CNTN1: variants seen among roughly 807,000 people sequenced by gnomAD.
CNTN1 encodes contactin-1.
A neutral mutation model predicts 126.4 loss-of-function variants in CNTN1; 38 were observed. The observed-to-expected ratio is 0.30, with a 90% confidence interval of 0.23 to 0.39. The LOEUF is 0.39. Among genes scored for constraint, CNTN1 ranks in the 10% least tolerant of loss-of-function variants. The probability of loss-of-function intolerance (pLI) is 1.00; values close to 1 mark genes in which losing one functional copy is unlikely to be tolerated. For missense variants in CNTN1, 1,009 were observed against 1,248.4 expected (o/e 0.81, Z 2.89); for synonymous variants, 413 against 422.6 (o/e 0.98, Z 0.28).
intron 1 of CNTN1, among the ~76,000 whole-genome samples, chr12:40,698,883 C>T (rs1565614630): frequency 1.3e-5 from 2 of 152,160 alleles, no homozygotes; most frequent in African/African-American, 2.4e-5. Flanking sequence ...ATCAACTGAA[C>T]GGTTTGCCTT....
At chr12:41,042,325 T>C (rs1022547960) in intron 23 of CNTN1, among the ~76,000 whole-genome samples, 30 of 152,156 alleles carry the variant, frequency 2.0e-4, no homozygotes, top group Admixed American at 5.2e-4. Flanking sequence ...TGAGGAGTGC[T>C]TTACTTCCAA....
intron 7 of CNTN1, among the ~76,000 whole-genome samples, chr12:40,931,254 C>T (rs1175892933): frequency 6.6e-6 from 1 of 151,942 alleles, no homozygotes; most frequent in Non-Finnish European, 1.5e-5. Context: ...AGTCCTTATT[C>T]TGTTTGAACT....
intron 15 of CNTN1, chr12:40,972,190 A>C: frequency 2.0e-6 from 2 of 985,362 alleles, no homozygotes; most frequent in Non-Finnish European, 1.2e-6. Context: ...CATTAACAGC[A>C]TGCATTCATA....
intron 1 of CNTN1, among the ~76,000 whole-genome samples, chr12:40,761,734 A>T (rs758845664): frequency 6.6e-6 from 1 of 151,894 alleles, no homozygotes; most frequent in Admixed American, 6.6e-5. Context: ...GTTCACTTGG[A>T]TTTTGGGGAC....
At chr12:41,007,270 C>T (rs763340312) in intron 17 of CNTN1, among the ~76,000 whole-genome samples, 26 of 151,722 alleles carry the variant, frequency 1.7e-4, no homozygotes, top group Admixed American at 3.9e-4. Context: ...CCGTTTTAGC[C>T]GGGATGGTCT....
At chr12:40,934,287 C>T (rs971869472) in intron 9 of CNTN1, among the ~76,000 whole-genome samples, 1 of 151,974 alleles carries the variant, frequency 6.6e-6, no homozygotes, top group African/African-American at 2.4e-5. Context: ...CTTGTTAAAA[C>T]AGATTGCTGG....
intron 1 of CNTN1, among the ~76,000 whole-genome samples, chr12:40,711,951 C>T (rs1188836461): frequency 6.6e-6 from 1 of 152,090 alleles, no homozygotes; most frequent in Non-Finnish European, 1.5e-5. Flanking sequence ...AACTCCTGGC[C>T]TGAAGTGATT....
chr12:41,034,815 C>A (rs759660244), intron 23 of CNTN1, among the ~76,000 whole-genome samples: 22 of 152,150 alleles, frequency 1.4e-4, no homozygotes, highest in Non-Finnish European at 2.9e-4. Context: ...AGTTTTGTAA[C>A]AAACATGAAG....
rs145686900 is a variant in CNTN1, at chr12:40,862,208, T to TACACACACACACACACAC, written c.-76-46138_-76-46121dup. On this transcript the variant is annotated intron_variant, in intron 1 of 23. Coordinates refer to ENST00000551295, the MANE Select transcript of CNTN1 (RefSeq NM_001843.4). ...GACAGAGTGAGACCTTGTCTCTTAA[T>TACACACACACACACACAC]ACACACACACACACACACACACACA... Among the ~76,000 whole-genome samples the TACACACACACACACACAC allele has an allele frequency of 3.4e-4, 50 of 147,358 alleles. 1 individual carries two copies. The highest frequency in any genetic ancestry group is 1.2e-3 in the African/African-American group (49 of 39,442).
At chr12:41,010,340 T>G (rs945026224) in intron 17 of CNTN1, among the ~76,000 whole-genome samples, 2 of 152,084 alleles carry the variant, frequency 1.3e-5, no homozygotes, top group African/African-American at 4.8e-5. Context: ...TTAAGGTGGT[T>G]TTTTCTTGCT....
intron 1 of CNTN1, among the ~76,000 whole-genome samples, chr12:40,757,786 T>C (rs1938670446): frequency 6.6e-6 from 1 of 152,186 alleles, no homozygotes; most frequent in Non-Finnish European, 1.5e-5. Flanking sequence ...AATAAAACCA[T>C]TTATCTATCT....
chr12:40,722,123 A>G (rs2121221352), intron 1 of CNTN1, among the ~76,000 whole-genome samples: 1 of 152,286 alleles, frequency 6.6e-6, no homozygotes, highest in African/African-American at 2.4e-5. Flanking sequence ...GGAGCTAAGC[A>G]GGGACAAAAG....
At chr12:40,800,928 T>C (rs992324888) in intron 1 of CNTN1, among the ~76,000 whole-genome samples, 5 of 150,934 alleles carry the variant, frequency 3.3e-5, no homozygotes, top group African/African-American at 4.9e-5. Context: ...ATTGTGGAGA[T>C]AAGAAAACTT....
chr12:40,851,549 C>T lies in CNTN1; in HGVS notation c.-76-56808C>T, dbSNP rs192603216. 4.2e-3 allele frequency among the ~76,000 whole-genome samples: 640 copies of T among 152,254 alleles called. 3 individuals carry two copies. The highest frequency in any genetic ancestry group is 0.014 in the African/African-American group (596 of 41,550). On this transcript the variant is annotated intron_variant, in intron 1 of 23. Transcript: ENST00000551295. ...TAGTCTTGCTAGAGAATTATATGCT[C>T]ATTTTTGTTAAAACAACAAAACTAC... is the stretch of plus-strand genomic sequence containing the variant.
At chr12:40,732,905 C>T (rs1279935347) in intron 1 of CNTN1, among the ~76,000 whole-genome samples, 1 of 152,030 alleles carries the variant, frequency 6.6e-6, no homozygotes, top group Non-Finnish European at 1.5e-5. Context: ...TTTTATTACT[C>T]TCTCTCCTTA....
Position 40,933,891 on chromosome 12 carries a change from T to G in CNTN1, c.985+13T>G. The stretch of plus-strand genomic sequence containing the variant: ...ATTTATGTTCAAGGTAGATACATTA[T>G]TTTAATTTTGTATAAATTTCATCAG... On this transcript the variant is annotated intron_variant, in intron 9 of 23. Transcript: ENST00000551295. The G allele has an allele frequency of 6.3e-7, 1 of 1,599,928 alleles. No individual in the cohort carries two copies.
intron 1 of CNTN1, among the ~76,000 whole-genome samples, chr12:40,715,610 T>A (rs1202829415): frequency 6.6e-6 from 1 of 152,124 alleles, no homozygotes; most frequent in African/African-American, 2.4e-5. Flanking sequence ...AATAAATCTG[T>A]TAGGGTCTCA....
rs528635536 is a variant in CNTN1, at chr12:41,019,504, A to C, written c.2420-833A>C. Reference sequence around the variant, plus strand: ...TTGTTTTAGAAAGTCAACAGTGTTCATGTGTAGAACATTTTTAAACATTAA... The same window carrying C: ...TTGTTTTAGAAAGTCAACAGTGTTCCTGTGTAGAACATTTTTAAACATTAA... On this transcript the variant is annotated intron_variant, in intron 19 of 23. Coordinates refer to ENST00000551295, the MANE Select transcript of CNTN1 (RefSeq NM_001843.4). Among the ~76,000 whole-genome samples, 10 of 152,096 alleles carry C rather than the reference A, an allele frequency of 6.6e-5. No individual in the cohort carries two copies. In the South Asian group the frequency reaches 1.9e-3, roughly 28 times the overall value.
chr12:40,871,641 A>C (rs969754896), intron 1 of CNTN1, among the ~76,000 whole-genome samples: 2 of 152,214 alleles, frequency 1.3e-5, no homozygotes, highest in Admixed American at 1.3e-4. Context: ...AGACAGAGGA[A>C]GAGGTAAAAT....
Sources: allele counts gnomAD v4.1 joint callset (sites outside exome capture counted in the v4.1 genomes callset), GRCh38; gene constraint gnomAD v4.1.1; transcripts MANE v1.5; gene names NCBI Gene and HGNC (gene_info 2026-07-23, HGNC 2026-07-21).